Variants in AARS1 observed in about 807,000 individuals in gnomAD.
AARS1 encodes the protein alanyl-tRNA synthetase 1, also known as alanine--tRNA ligase, cytoplasmic.
In AARS1, 72 loss-of-function variants were observed where a neutral mutation model predicts 108.9. The ratio of observed to expected loss-of-function variants is 0.66; its 90% CI spans 0.55 to 0.80. The LOEUF (loss-of-function observed/expected upper bound fraction) is 0.80. Among genes scored for constraint, AARS1 ranks in the 30% least tolerant of loss-of-function variants. The pLI is 0.00. For missense variants in AARS1, 1,193 were observed against 1,233.2 expected, an observed-to-expected ratio of 0.97 and a Z score of 0.49; for synonymous variants, 489 against 465.7, an observed-to-expected ratio of 1.05 and a Z score of -0.64.
intron 4 of AARS1, among the ~76,000 whole-genome samples, chr16:70,275,315 G>C (rs1019602373): frequency 2.0e-5 from 3 of 150,986 alleles, no homozygotes; most frequent in African/African-American, 7.3e-5. Flanking sequence ...AAGAAGCAAC[G>C]AATGGATCTA....
In AARS1 at chr16:70,252,613, TGG is replaced by T; in HGVS notation, c.*106_*107del. On this transcript the variant is annotated 3_prime_UTR_variant, in exon 21 of 21. Coordinates refer to ENST00000261772, the MANE Select transcript of AARS1 (RefSeq NM_001605.3). The stretch of plus-strand genomic sequence containing the variant: ...CTCCCAAGTGTGTTCCAGTTACTGC[TGG>T]GTTAGGAGGGGCTCTTTAAAGGTCC... 4 of 1,276,738 alleles carry T rather than the reference TGG, an allele frequency of 3.1e-6. No homozygotes were observed. Among genetic ancestry groups the T allele is most frequent in the Non-Finnish European group, 4.5e-6 (4 of 888,320 alleles). The allele number at this position is 1,276,738 out of a possible 1,614,324, so 79.1% of individuals were successfully genotyped here. A position where few individuals can be genotyped will look rare whatever the true frequency, so the allele number is the denominator to read the frequency against.
intron 15 of AARS1, among the ~76,000 whole-genome samples, chr16:70,257,737 A>C (rs1960025608): frequency 6.6e-6 from 1 of 152,242 alleles, no homozygotes; most frequent in African/African-American, 2.4e-5. Context: ...AATTCACACA[A>C]GCCTTCTTGC....
chr16:70,254,721 G>A lies in AARS1; in HGVS notation c.2300C>T (p.Ala767Val), dbSNP rs1345826325. The A allele has an allele frequency of 1.2e-6, 2 of 1,613,078 alleles. No homozygotes were observed. The highest frequency in any genetic ancestry group is 2.2e-5 in the South Asian group (2 of 91,024). ...AGAGAGACATTTCTTCAAGCTCTCT[G>A]CTTTCCTGAGGGCCTGGGAGGGGAC... ...GAEAQKALRK[A>V]ESLKKCLSVM... is the part of the protein sequence containing the mutation. Residue 767 changes from alanine (A) to valine (V), a missense_variant, in exon 17 of 21, where the codon GCA (alanine) becomes GTA (valine). Coordinates refer to ENST00000261772, the MANE Select transcript of AARS1 (RefSeq NM_001605.3).
Position 70,254,740 on chromosome 16 carries a change from A to AG in AARS1, c.2287-7dup, listed in dbSNP as rs1007690496. 6.3e-7 allele frequency: 1 copy of AG among 1,596,892 alleles called. No individual in the cohort carries two copies. The highest frequency in any genetic ancestry group is 1.3e-5 in the African/African-American group (1 of 74,600). On this transcript the variant is annotated splice_polypyrimidine_tract_variant and splice_region_variant and intron_variant, in intron 16 of 20. Coordinates refer to ENST00000261772, the MANE Select transcript of AARS1 (RefSeq NM_001605.3). ...CTCTCTGCTTTCCTGAGGGCCTGGG[A>AG]GGGGACACCGGGTCAACCCCAAGCA...
chr16:70,280,047 AT>A (rs1417886191), intron 2 of AARS1, among the ~76,000 whole-genome samples: 2 of 151,310 alleles, frequency 1.3e-5, no homozygotes, highest in African/African-American at 4.9e-5. Flanking sequence ...CCACCAGCTA[AT>A]TTTTCAATTT....
intron 20 of AARS1, 144 bp from the exon 21 acceptor site, chr16:70,253,050 A>T (rs1959881218): frequency 1.9e-6 from 2 of 1,051,894 alleles, no homozygotes; most frequent in African/African-American, 3.1e-5. Flanking sequence ...TACGGCTGGT[A>T]CAGGGGGCGG....
chr16:70,268,379 T>A lies in AARS1; in HGVS notation c.963A>T (p.Gly321=). The change falls in exon 8 of 21, where the codon GGA becomes GGT. Residue 321 remains glycine, a splice_region_variant and synonymous_variant. Transcript: ENST00000261772. The part of the protein sequence containing the change: ...DGGRPDNTGR[G]YVLRRILRRA... ...GGCGGAGAATCCGTCTCAACACATA[T>A]CTGTAAGAGGCAAAAACTAGTCCCC... 6.2e-7 allele frequency: 1 copy of A among 1,613,960 alleles called. No homozygotes were observed. Among genetic ancestry groups the A allele is most frequent in the South Asian group, 1.1e-5 (1 of 91,078 alleles).
chr16:70,265,759 A>C (rs1960246909), intron 9 of AARS1, 97 bp from the exon 10 acceptor site: 1 of 1,508,636 alleles, frequency 6.6e-7, no homozygotes, highest in South Asian at 1.2e-5. Context: ...AAGGAATTAA[A>C]GACACAAGGC....
intron 11 of AARS1, 88 bp downstream of exon 11, chr16:70,264,870 T>C: frequency 6.4e-7 from 1 of 1,555,222 alleles, no homozygotes; most frequent in Non-Finnish European, 8.8e-7. Context: ...AGCAGTCTGC[T>C]GGAGAGCTAA....
chr16:70,267,551 G>A, intron 9 of AARS1, 108 bp downstream of exon 9: 1 of 1,382,684 alleles, frequency 7.2e-7, no homozygotes, highest in South Asian at 1.2e-5. Context: ...ATCAAGCTAT[G>A]TTCAGCCTCA....
chr16:70,289,263 C>T (rs1456869986), intron 1 of AARS1, among the ~76,000 whole-genome samples, 158 bp downstream of exon 1: 2 of 152,152 alleles, frequency 1.3e-5, no homozygotes, highest in Non-Finnish European at 2.9e-5. Flanking sequence ...GGGGCGAACG[C>T]AAGGCCACAC....
intron 13 of AARS1, among the ~76,000 whole-genome samples, chr16:70,260,758 G>A (rs964868890): frequency 1.3e-5 from 2 of 152,066 alleles, no homozygotes; most frequent in Admixed American, 6.5e-5. Context: ...CCCCTCCCGG[G>A]TTCACGCCAT....
chr16:70,271,697 A>C, intron 5 of AARS1, 84 bp downstream of exon 5: 1 of 1,361,294 alleles, frequency 7.3e-7, no homozygotes, highest in South Asian at 1.2e-5. Flanking sequence ...ATGAGCTTTT[A>C]GCTGAGAAGA....
chr16:70,263,129 C>A (rs567969662), intron 11 of AARS1, among the ~76,000 whole-genome samples: 1 of 151,954 alleles, frequency 6.6e-6, no homozygotes. Flanking sequence ...AAAACTGGGA[C>A]AATGGGTTAC....
At chr16:70,265,188 G>GC in intron 10 of AARS1, 86 bp from the exon 11 acceptor site, 1 of 1,519,140 alleles carries the variant, frequency 6.6e-7, no homozygotes, top group Non-Finnish European at 9.1e-7. Context: ...ACTATGCCCA[G>GC]CATAAACTGC....
At chr16:70,262,621 T>G in intron 11 of AARS1, 97 bp from the exon 12 acceptor site, 2 of 1,213,946 alleles carry the variant, frequency 1.6e-6, no homozygotes, top group Non-Finnish European at 2.3e-6. Flanking sequence ...CGCAAACTCT[T>G]CTTAGCTCCT....
At chr16:70,283,684 C>G (rs1412923349) in intron 1 of AARS1, among the ~76,000 whole-genome samples, 1 of 152,182 alleles carries the variant, frequency 6.6e-6, no homozygotes, top group Admixed American at 6.6e-5. Flanking sequence ...CGGCTGTCAG[C>G]AGCAATAGTC....
At chr16:70,285,432 A>C (rs1043482452) in intron 1 of AARS1, among the ~76,000 whole-genome samples, 1 of 151,808 alleles carries the variant, frequency 6.6e-6, no homozygotes, top group African/African-American at 2.4e-5. Context: ...GTTGCACACC[A>C]GCATGCCCAG....
chr16:70,277,407 A>T (rs1203612943), intron 2 of AARS1, among the ~76,000 whole-genome samples: 2 of 152,174 alleles, frequency 1.3e-5, no homozygotes, highest in South Asian at 2.1e-4. Context: ...CAGAGGGGAA[A>T]GGCCTGCCAG....
Sources: gnomAD v4.1 joint callset for allele counts (sites outside exome capture counted in the v4.1 genomes callset) on GRCh38, gnomAD v4.1.1 for gene constraint, MANE v1.5 for transcripts, NCBI Gene and HGNC (gene_info 2026-07-23, HGNC 2026-07-21) for gene names.